The following MYO5C variants were observed in gnomAD, a reference collection of about 807,000 sequenced individuals.
MYO5C encodes myosin VC, also known as unconventional myosin-Vc.
In MYO5C, 194 loss-of-function variants were observed where a neutral mutation model predicts 235.7. The ratio of observed to expected loss-of-function variants is 0.82; its 90% CI spans 0.73 to 0.93. The LOEUF (loss-of-function observed/expected upper bound fraction) is 0.93. Among genes scored for constraint, MYO5C ranks in the 40% least tolerant of loss-of-function variants. The pLI, the probability that MYO5C is intolerant of heterozygous loss-of-function variation, is 0.00. For missense variants in MYO5C, 2,038 were observed against 2,127.2 expected (o/e 0.96, Z 0.82); for synonymous variants, 707 against 754.8 (o/e 0.94, Z 1.04).
Position 52,205,808 on chromosome 15 carries a change from C to T in MYO5C, c.4537+8G>A, listed in dbSNP as rs2035299203. 7 of 1,534,028 alleles carry T rather than the reference C, an allele frequency of 4.6e-6. No individual in the cohort carries two copies. The highest frequency in any genetic ancestry group is 6.2e-6 in the Non-Finnish European group (7 of 1,126,654). On this transcript the variant is annotated splice_region_variant and intron_variant, in intron 37 of 40. Coordinates refer to ENST00000261839, the MANE Select transcript of MYO5C (RefSeq NM_018728.4). ...TAAATATTTTTTGGTCATCCATTCT[C>T]TTCTTACCTATTATCGGTTGGATAT... is the stretch of plus-strand genomic sequence containing the variant.
chr15:52,279,856 C>T (rs75976000), intron 2 of MYO5C, among the ~76,000 whole-genome samples, 182 bp from the exon 3 acceptor site: 1 of 152,054 alleles, frequency 6.6e-6, no homozygotes, highest in African/African-American at 2.4e-5. Context: ...AAAGTAGGAG[C>T]AGGGGACTAG....
chr15:52,286,950 G>GAAAAAAGAAAAAAAAAAAAAAAAAAA (rs2037288015), intron 1 of MYO5C, among the ~76,000 whole-genome samples: 1 of 106,856 alleles, frequency 9.4e-6, no homozygotes. Flanking sequence ...AAAAAAAAAA[G>GAAAAAAGAAAAAAAAAAAAAAAAAAA]AAAAAAGAAA....
intron 38 of MYO5C, among the ~76,000 whole-genome samples, chr15:52,200,873 A>T (rs2035171822): frequency 6.6e-6 from 1 of 152,166 alleles, no homozygotes; most frequent in Non-Finnish European, 1.5e-5. Context: ...GAAATTTTAG[A>T]ATTGAAAAAT....
chr15:52,235,638 G>T, intron 23 of MYO5C, 32 bp downstream of exon 23: 1 of 1,530,650 alleles, frequency 6.5e-7, no homozygotes. Context: ...CTAAATCAGT[G>T]AATGTCTGGA....
chr15:52,257,760 C>T (rs943495701), intron 10 of MYO5C, among the ~76,000 whole-genome samples: 3 of 152,224 alleles, frequency 2.0e-5, no homozygotes, highest in African/African-American at 7.2e-5. Flanking sequence ...AAATGCAATT[C>T]GACCCCAGTG....
At chr15:52,292,501 T>G (rs550315006) in intron 1 of MYO5C, among the ~76,000 whole-genome samples, 48 of 152,350 alleles carry the variant, frequency 3.2e-4, no homozygotes, top group Non-Finnish European at 4.4e-4. Flanking sequence ...CAGAGTTGTT[T>G]ATCCAGATTA....
intron 14 of MYO5C, among the ~76,000 whole-genome samples, chr15:52,248,425 C>T (rs951296465): frequency 1.3e-5 from 2 of 152,170 alleles, no homozygotes; most frequent in East Asian, 1.9e-4. Context: ...GGATTACAGG[C>T]GTGAGCCACC....
At chr15:52,215,248 G>C (rs1303446458) in intron 32 of MYO5C, among the ~76,000 whole-genome samples, 2 of 152,342 alleles carry the variant, frequency 1.3e-5, no homozygotes, top group East Asian at 3.9e-4. Context: ...AGAAGCTGGA[G>C]CTAGAGAAAT....
At chr15:52,274,366 C>T (rs151054193) in intron 5 of MYO5C, among the ~76,000 whole-genome samples, 1,570 of 152,256 alleles carry the variant, frequency 0.01, 30 homozygotes, top group African/African-American at 0.036. Context: ...GCAACCTCCA[C>T]CTCCTGACTC....
chr15:52,208,732 C>A, intron 35 of MYO5C, 89 bp from the exon 36 acceptor site: 1 of 1,129,580 alleles, frequency 8.9e-7, no homozygotes, highest in Non-Finnish European at 1.3e-6. Context: ...AGCTTTTGAC[C>A]AAAATTAGTT....
In MYO5C at chr15:52,244,525, T is replaced by C; in HGVS notation, c.2221A>G (p.Arg741Gly). ...YQFGKTKIFF[R>G]AGQVAYLEKL... is the part of the protein sequence containing the mutation. Reference sequence around the variant, plus strand: ...TCTAAATAAGCCACTTGTCCTGCTCTGAAGAAAATTTTGGTTTTACCAAAC... The same window carrying C: ...TCTAAATAAGCCACTTGTCCTGCTCCGAAGAAAATTTTGGTTTTACCAAAC... Residue 741 changes from arginine (R) to glycine (G), a missense_variant, in exon 19 of 41, where the codon AGA becomes GGA. Arg to Gly is a moderately radical substitution (Grantham distance 125). Transcript: ENST00000261839. The C allele has an allele frequency of 6.2e-7, 1 of 1,614,034 alleles. No individual in the cohort carries two copies. Among genetic ancestry groups the C allele is most frequent in the Non-Finnish European group, 8.5e-7 (1 of 1,179,976 alleles).
intron 1 of MYO5C, among the ~76,000 whole-genome samples, chr15:52,294,932 A>C (rs1384584008): frequency 1.3e-5 from 2 of 152,236 alleles, no homozygotes; most frequent in Non-Finnish European, 2.9e-5. Context: ...GATGTTAGGC[A>C]AAGAGCCTAC....
In MYO5C at chr15:52,239,725, G is replaced by GATTTTA; in HGVS notation, c.2703+7_2703+8insTAAAAT. Reference sequence around the variant, plus strand: ...AGTAAATGTAAAAGATGCACTATGAGCACCTACCTGATCTTCCAACTTTTT... The same window carrying GATTTTA: ...AGTAAATGTAAAAGATGCACTATGAGATTTTACACCTACCTGATCTTCCAACTTTTT... On this transcript the variant is annotated splice_region_variant and intron_variant, in intron 21 of 40. Coordinates refer to ENST00000261839, the MANE Select transcript of MYO5C (RefSeq NM_018728.4). The GATTTTA allele has an allele frequency of 6.3e-7, 1 of 1,593,842 alleles. No homozygotes were observed. Among genetic ancestry groups the GATTTTA allele is most frequent in the African/African-American group, 1.3e-5 (1 of 74,332 alleles).
rs376460101 is a variant in MYO5C at position 52,261,121 on chromosome 15, C to T, written c.1054G>A (p.Asp352Asn). ...GNERSSVSED[D>N]SHLKVFCELL... ...TCACAGAACACCTTCAGGTGACTGT[C>T]ATCCTCCTTCAAAAACAAGCACAAG... The change falls in exon 10 of 41, where the codon GAC becomes AAC. Residue 352 changes from aspartate (D) to asparagine (N), a missense_variant. Transcript: ENST00000261839. The T allele has an allele frequency of 4.3e-5, 69 of 1,613,370 alleles. No homozygotes were observed. In the East Asian group the frequency reaches 4.9e-4, roughly 11 times the overall value.
intron 5 of MYO5C, among the ~76,000 whole-genome samples, chr15:52,274,671 C>A (rs932557625): frequency 2.6e-4 from 21 of 81,382 alleles, no homozygotes; most frequent in African/African-American, 1.1e-3. Context: ...TTTCTTAGTA[C>A]CCCCCCCCCG....
At position 52,205,152 on chromosome 15, in the gene MYO5C, G is replaced by C. The variant is rs2035280761; in HGVS notation, c.4538-5C>G. On this transcript the variant is annotated splice_region_variant and splice_polypyrimidine_tract_variant and intron_variant, in intron 37 of 40. Transcript: ENST00000261839. ...CATACTCCAGCATTCCCGGAACTGC[G>C]GAGAGACAGGGAGGCTGTGCTGACA... 1 of 1,611,620 alleles carries C rather than the reference G, an allele frequency of 6.2e-7. No homozygotes were observed. Among genetic ancestry groups the C allele is most frequent in the Non-Finnish European group, 8.5e-7 (1 of 1,178,788 alleles).
At chr15:52,286,618 A>T (rs2037280266) in intron 1 of MYO5C, among the ~76,000 whole-genome samples, 1 of 152,106 alleles carries the variant, frequency 6.6e-6, no homozygotes, top group East Asian at 1.9e-4. Flanking sequence ...CTTCCTTGGG[A>T]TCCTGTTGAT....
intron 4 of MYO5C, chr15:52,277,087 G>A (rs1452294993): frequency 8.4e-6 from 4 of 477,194 alleles, no homozygotes; most frequent in Non-Finnish European, 1.7e-5. Flanking sequence ...TCATTTCAAA[G>A]AGAGAAGATG....
At chr15:52,274,672 C>CA (rs150889291) in intron 5 of MYO5C, among the ~76,000 whole-genome samples, 6,669 of 139,890 alleles carry the variant, frequency 0.048, 588 homozygotes, top group African/African-American at 0.18. Flanking sequence ...TTCTTAGTAC[C>CA]CCCCCCCCGA....
Sources: allele counts gnomAD v4.1 joint callset (sites outside exome capture counted in the v4.1 genomes callset), GRCh38; gene constraint gnomAD v4.1.1; transcripts MANE v1.5; gene names NCBI Gene and HGNC (gene_info 2026-07-23, HGNC 2026-07-21).